RNF138: variants seen among roughly 807,000 people sequenced by gnomAD.
RNF138 encodes E3 ubiquitin-protein ligase RNF138.
RNF138 carries 12 observed loss-of-function variants against 31.0 expected under a neutral mutation model. The observed-to-expected ratio is 0.39, with a 90% CI of 0.25 to 0.63. The LOEUF (loss-of-function observed/expected upper bound fraction) is 0.63. Ranked by LOEUF, RNF138 falls within the 20% of genes least tolerant of loss-of-function variation. The probability of loss-of-function intolerance (pLI) is 0.52; values close to 1 mark genes in which losing one functional copy is unlikely to be tolerated. For missense variants in RNF138, 192 were observed against 300.1 expected, an observed-to-expected ratio of 0.64 and a Z score of 2.66; for synonymous variants, 105 against 99.5, an observed-to-expected ratio of 1.06 and a Z score of -0.33.
intron 2 of RNF138, among the ~76,000 whole-genome samples, chr18:32,094,159 G>T (rs1006660493): frequency 2.0e-5 from 3 of 151,998 alleles, no homozygotes; most frequent in East Asian, 3.9e-4. Context: ...CAACTGAAAA[G>T]AATTGACCAA....
chr18:32,129,020 C>G, intron 7 of RNF138, 99 bp from the exon 8 acceptor site: 1 of 766,704 alleles, frequency 1.3e-6, no homozygotes, highest in Non-Finnish European at 2.3e-6. Context: ...TAATGTGTGT[C>G]AAGATGTGTA....
chr18:32,130,608 A>G lies in RNF138; in HGVS notation c.*1421A>G, dbSNP rs979031727. 4 of 152,444 alleles carry G rather than the reference A, an allele frequency of 2.6e-5. No homozygotes were observed. The highest frequency in any genetic ancestry group is 5.9e-5 in the Non-Finnish European group (4 of 67,896). 9.4% of individuals were successfully genotyped at this position (152,444 alleles called of 1,614,324 possible). On this transcript the variant is annotated 3_prime_UTR_variant, in exon 8 of 8. Coordinates refer to ENST00000261593, the MANE Select transcript of RNF138 (RefSeq NM_016271.5). ...CTCAGAAGTAGTTTGCTGCTAATAT[A>G]TACATATATTGTATAAAAAGGTATA...
Position 32,113,774 on chromosome 18 carries a change from C to T in RNF138, c.306C>T (p.Tyr102=). Residue 102 remains tyrosine (Y), a synonymous_variant, in exon 4 of 8, where the codon TAC becomes TAT. Transcript: ENST00000261593. ...QIKFYRMRHH[Y]KSCKKYQDEY... is the part of the protein sequence containing the mutation. ...AATTCTATCGCATGAGACATCATTACAAATCTTGTAAGAAGTATCAGGATG... is the reference window on the plus strand; with the variant it reads ...AATTCTATCGCATGAGACATCATTATAAATCTTGTAAGAAGTATCAGGATG... The T allele has an allele frequency of 6.6e-7, 1 of 1,513,796 alleles. No homozygotes were observed. The highest frequency in any genetic ancestry group is 8.9e-7 in the Non-Finnish European group (1 of 1,123,840). 93.8% of individuals were successfully genotyped at this position (1,513,796 alleles called of 1,614,324 possible).
chr18:32,109,082 A>G (rs1253042665), intron 2 of RNF138, among the ~76,000 whole-genome samples: 1 of 151,998 alleles, frequency 6.6e-6, no homozygotes. Flanking sequence ...ATAGCCTCCA[A>G]TGTGAGTTTA....
chr18:32,103,859 G>A lies in RNF138; in HGVS notation c.111-7895G>A, dbSNP rs944661012. ...CGGGCACCTGTAGTCCCAGCTACTC[G>A]GGAGGCTGAGGCAGGAGATGGTGTG... is the stretch of plus-strand genomic sequence containing the variant. On this transcript the variant is annotated intron_variant, in intron 2 of 7. Coordinates refer to ENST00000261593, the MANE Select transcript of RNF138 (RefSeq NM_016271.5). 1.4e-4 allele frequency among the ~76,000 whole-genome samples: 4 copies of A among 28,366 alleles called. No individual in the cohort carries two copies. The South Asian group carries it at 9.0e-3, about 64-fold the overall frequency. 18.6% of individuals were successfully genotyped at this position (28,366 alleles called of 152,430 possible).
intron 3 of RNF138, among the ~76,000 whole-genome samples, chr18:32,112,869 C>T (rs2040155947): frequency 6.6e-6 from 1 of 152,122 alleles, no homozygotes; most frequent in Non-Finnish European, 1.5e-5. Flanking sequence ...ATAGATTTAT[C>T]ACCGACATTT....
intron 2 of RNF138, among the ~76,000 whole-genome samples, chr18:32,108,195 G>A (rs2040068790): frequency 6.6e-6 from 1 of 152,120 alleles, no homozygotes; most frequent in African/African-American, 2.4e-5. Flanking sequence ...ACAGAAACGT[G>A]TCCCTATCAC....
At chr18:32,102,042 G>A (rs2039950068) in intron 2 of RNF138, among the ~76,000 whole-genome samples, 2 of 141,420 alleles carry the variant, frequency 1.4e-5, no homozygotes, top group South Asian at 2.2e-4. Flanking sequence ...ATGCCTGGCT[G>A]ATTTTTTTTT....
chr18:32,117,253 A>G (rs996252771), intron 4 of RNF138, among the ~76,000 whole-genome samples: 1 of 151,916 alleles, frequency 6.6e-6, no homozygotes, highest in Non-Finnish European at 1.5e-5. Context: ...TGTTATATTC[A>G]CGGTCTGAGC....
chr18:32,123,599 C>T (rs1399910792), intron 5 of RNF138, 25 bp downstream of exon 5: 2 of 1,448,400 alleles, frequency 1.4e-6, no homozygotes, highest in East Asian at 4.8e-5. Flanking sequence ...AATCCTGCCA[C>T]TTTAGCAAGT....
At chr18:32,099,327 G>A (rs770742698) in intron 2 of RNF138, among the ~76,000 whole-genome samples, 11 of 152,242 alleles carry the variant, frequency 7.2e-5, no homozygotes, top group Non-Finnish European at 1.5e-4. Context: ...AGAATAATTC[G>A]TTTTATGTCT....
At chr18:32,110,524 C>A (rs1336690471) in intron 2 of RNF138, among the ~76,000 whole-genome samples, 2 of 152,118 alleles carry the variant, frequency 1.3e-5, no homozygotes, top group Non-Finnish European at 2.9e-5. Context: ...AAAAGTGCTG[C>A]ATAGTTAGGA....
At chr18:32,129,019 T>C (rs2040429699) in intron 7 of RNF138, 100 bp from the exon 8 acceptor site, 5 of 767,044 alleles carry the variant, frequency 6.5e-6, no homozygotes, top group Non-Finnish European at 1.2e-5. Context: ...GTAATGTGTG[T>C]CAAGATGTGT....
At chr18:32,116,535 T>A (rs866459678) in intron 4 of RNF138, among the ~76,000 whole-genome samples, 1 of 151,224 alleles carries the variant, frequency 6.6e-6, no homozygotes, top group African/African-American at 2.4e-5. Flanking sequence ...TTTTTTTAAA[T>A]TTTTAAATTT....
intron 2 of RNF138, among the ~76,000 whole-genome samples, chr18:32,103,592 A>G (rs539010090): frequency 4.9e-4 from 75 of 152,202 alleles, no homozygotes; most frequent in Non-Finnish European, 7.6e-4. Flanking sequence ...ATAAACAGCA[A>G]TTTTCCACAA....
At chr18:32,104,682 TATA>T (rs2040000645) in intron 2 of RNF138, among the ~76,000 whole-genome samples, 1 of 152,168 alleles carries the variant, frequency 6.6e-6, no homozygotes. Flanking sequence ...GCAACAAAAT[TATA>T]ATGTTATTTG....
chr18:32,122,468 C>T (rs535883480), intron 4 of RNF138: 1 of 127,734 alleles, frequency 7.8e-6, no homozygotes, highest in Non-Finnish European at 1.8e-5. Context: ...TTTTTCTTAG[C>T]CACTACTTAT....
chr18:32,128,856 A>C (rs944536724), intron 7 of RNF138, among the ~76,000 whole-genome samples: 3 of 151,802 alleles, frequency 2.0e-5, no homozygotes, highest in African/African-American at 7.3e-5. Flanking sequence ...GCATTATAAC[A>C]CTCAAATTTT....
chr18:32,111,700 G>T, intron 2 of RNF138, 54 bp from the exon 3 acceptor site: 1 of 1,346,122 alleles, frequency 7.4e-7, no homozygotes, highest in South Asian at 1.3e-5. Context: ...TTTAATTATA[G>T]AGATGAAGAG....
Sources: allele counts gnomAD v4.1 joint callset (sites outside exome capture counted in the v4.1 genomes callset), GRCh38; gene constraint gnomAD v4.1.1; transcripts MANE v1.5; gene names NCBI Gene and HGNC (gene_info 2026-07-23, HGNC 2026-07-21).